Variants in SLCO3A1 observed in about 807,000 individuals in gnomAD.
SLCO3A1 encodes the protein solute carrier organic anion transporter family member 3A1.
Under a neutral mutation model 63.1 loss-of-function variants are expected in SLCO3A1, and 27 were observed. That is an observed-to-expected ratio of 0.43 (90% confidence interval 0.32 to 0.59). The LOEUF (loss-of-function observed/expected upper bound fraction) is 0.59, where lower values mean the gene tolerates loss of function less well. Among genes scored for constraint, SLCO3A1 ranks in the 20% least tolerant of loss-of-function variants. SLCO3A1 has a pLI of 0.09. For synonymous variants in SLCO3A1, 473 were observed against 409.9 expected (o/e 1.15, Z -1.86); for missense variants, 773 against 945.8 (o/e 0.82, Z 2.40).
chr15:91,945,575 G>A (rs1899778985), intron 2 of SLCO3A1, among the ~76,000 whole-genome samples: 1 of 152,236 alleles, frequency 6.6e-6, no homozygotes. Flanking sequence ...GGCGGAAAGG[G>A]AGAGAAAGTT....
At chr15:92,034,473 T>G (rs1171539891) in intron 2 of SLCO3A1, among the ~76,000 whole-genome samples, 1 of 151,372 alleles carries the variant, frequency 6.6e-6, no homozygotes, top group African/African-American at 2.4e-5. Context: ...AGATGGTACT[T>G]AACACTGCGA....
Position 92,070,454 on chromosome 15 carries a change from CCCACATGGGGAAA to C in SLCO3A1, c.647-24424_647-24412del, listed in dbSNP as rs371414964. On this transcript the variant is annotated intron_variant, in intron 2 of 9. Transcript: ENST00000318445. ...GGTTAGGAACTCGAGACCAGCCTGG[CCCACATGGGGAAA>C]CCCCATCTCTACTAATAATACAAAA... Among the ~76,000 whole-genome samples the C allele has an allele frequency of 6.9e-3, 1,053 of 152,274 alleles. 13 individuals are homozygous for C. The highest frequency in any genetic ancestry group is 0.022 in the African/African-American group (934 of 41,554).
intron 4 of SLCO3A1, among the ~76,000 whole-genome samples, chr15:92,114,711 G>C (rs898965868): frequency 1.3e-5 from 2 of 151,996 alleles, no homozygotes; most frequent in African/African-American, 4.8e-5. Flanking sequence ...TCTTCTGTCT[G>C]TGGGTCTCAT....
At chr15:91,907,802 A>G (rs888465193) in intron 1 of SLCO3A1, among the ~76,000 whole-genome samples, 3 of 152,204 alleles carry the variant, frequency 2.0e-5, no homozygotes, top group Non-Finnish European at 4.4e-5. Flanking sequence ...CTGGGATTAC[A>G]GGCGTGAGTC....
chr15:91,875,053 C>T lies in SLCO3A1; in HGVS notation c.180+20965C>T, dbSNP rs1314980921. Among the ~76,000 whole-genome samples, 1 of 152,186 alleles carries T rather than the reference C, an allele frequency of 6.6e-6. No individual in the cohort carries two copies. The highest frequency in any genetic ancestry group is 1.5e-5 in the Non-Finnish European group (1 of 68,036). On this transcript the variant is annotated intron_variant, in intron 1 of 9. Transcript: ENST00000318445. The surrounding 1 kb of genome is among the most constrained non-coding windows in gnomAD (Gnocchi z 4.5). ...GGGTGGTTACATCCACACCACTCCACATGAAACAGACATTTGCCGCCTTGA... is the reference window on the plus strand; with the variant it reads ...GGGTGGTTACATCCACACCACTCCATATGAAACAGACATTTGCCGCCTTGA...
intron 2 of SLCO3A1, among the ~76,000 whole-genome samples, chr15:91,974,265 GTTATTA>G (rs56317875): frequency 1.6e-3 from 223 of 142,956 alleles, no homozygotes; most frequent in South Asian, 2.3e-3. Flanking sequence ...TTTCATTATT[GTTATTA>G]TTATTATTAT....
At chr15:92,107,180 T>A (rs1235927648) in intron 4 of SLCO3A1, among the ~76,000 whole-genome samples, 1 of 152,266 alleles carries the variant, frequency 6.6e-6, no homozygotes, top group Non-Finnish European at 1.5e-5. Context: ...GCTTCACTTC[T>A]GATGGTTAAT....
At chr15:92,104,993 C>T (rs528153970) in intron 4 of SLCO3A1, among the ~76,000 whole-genome samples, 4 of 151,532 alleles carry the variant, frequency 2.6e-5, no homozygotes, top group African/African-American at 7.2e-5. Flanking sequence ...CCACCGCGCC[C>T]GGTGTAATCA....
intron 2 of SLCO3A1, among the ~76,000 whole-genome samples, chr15:91,988,212 G>A (rs2046079244): frequency 6.6e-6 from 1 of 152,064 alleles, no homozygotes. Context: ...AGACCAGCCT[G>A]GGCAATGTGG....
intron 1 of SLCO3A1, among the ~76,000 whole-genome samples, chr15:91,889,713 A>G (rs1281566593): frequency 6.6e-6 from 1 of 152,376 alleles, no homozygotes; most frequent in East Asian, 1.9e-4. Flanking sequence ...AGGCAAATCA[A>G]CCAGGCCATT....
At chr15:92,092,473 G>T (rs995779637) in intron 2 of SLCO3A1, among the ~76,000 whole-genome samples, 1 of 151,976 alleles carries the variant, frequency 6.6e-6, no homozygotes, top group Non-Finnish European at 1.5e-5. Context: ...CGTTCTTTTG[G>T]GAAGGCCTGA....
intron 5 of SLCO3A1, among the ~76,000 whole-genome samples, chr15:92,122,068 G>A (rs1412585307): frequency 1.3e-5 from 2 of 152,170 alleles, no homozygotes; most frequent in Non-Finnish European, 2.9e-5. Context: ...GGGAGGGAGT[G>A]GTGACTATGT....
chr15:91,902,457 G>T (rs1446226547), intron 1 of SLCO3A1, among the ~76,000 whole-genome samples: 1 of 151,660 alleles, frequency 6.6e-6, no homozygotes, highest in African/African-American at 2.4e-5. Context: ...TCTTTTGCTT[G>T]CCCCAACCAG....
At chr15:92,171,055 AC>A in intron 10 of SLCO3A1, 1 of 152,280 alleles carries the variant, frequency 6.6e-6, no homozygotes, top group Middle Eastern at 3.4e-3. Context: ...CCAAACTGTC[AC>A]CTTTGTAGCG....
intron 8 of SLCO3A1, among the ~76,000 whole-genome samples, chr15:92,149,954 G>C (rs2048282883): frequency 6.6e-6 from 1 of 152,138 alleles, no homozygotes; most frequent in African/African-American, 2.4e-5. Flanking sequence ...GAAGAACTTG[G>C]ATTTTGTAAC....
At position 92,009,173 on chromosome 15, in the gene SLCO3A1, G is replaced by A. The variant is rs187787859; in HGVS notation, c.647-85708G>A. Among the ~76,000 whole-genome samples, 112 of 152,262 alleles carry A rather than the reference G, an allele frequency of 7.4e-4. 2 individuals are homozygous for A. The highest frequency in any genetic ancestry group is 2.3e-3 in the African/African-American group (94 of 41,540). ...CCCAAATGTTATGCTCTGCCGAGCCGTCCCCTGAGTTACAGTTGGGAAGTC... is the reference window on the plus strand; with the variant it reads ...CCCAAATGTTATGCTCTGCCGAGCCATCCCCTGAGTTACAGTTGGGAAGTC... On this transcript the variant is annotated intron_variant, in intron 2 of 9. Coordinates refer to ENST00000318445, the MANE Select transcript of SLCO3A1 (RefSeq NM_013272.4).
intron 2 of SLCO3A1, among the ~76,000 whole-genome samples, chr15:91,964,850 C>T (rs541501092): frequency 6.6e-6 from 1 of 151,994 alleles, no homozygotes; most frequent in South Asian, 2.1e-4. Context: ...GTGACTTGCT[C>T]AGGGTCACAG....
At chr15:92,167,141 T>C (rs1397012410), downstream of SLCO3A1, among the ~76,000 whole-genome samples, 2 of 152,258 alleles carry the variant, frequency 1.3e-5, no homozygotes, top group African/African-American at 4.8e-5. Flanking sequence ...GTTTTTTCAG[T>C]CTAACAGATG....
chr15:91,983,343 G>T (rs188668371), intron 2 of SLCO3A1, among the ~76,000 whole-genome samples: 1 of 152,138 alleles, frequency 6.6e-6, no homozygotes, highest in Non-Finnish European at 1.5e-5. Flanking sequence ...AGAATTACCC[G>T]AGTGGGAGGC....
Sources: allele counts gnomAD v4.1 joint callset (sites outside exome capture counted in the v4.1 genomes callset), GRCh38; gene constraint gnomAD v4.1.1; non-coding constraint Gnocchi (gnomAD v3.1); transcripts MANE v1.5; gene names NCBI Gene and HGNC (gene_info 2026-07-23, HGNC 2026-07-21).